Variants in CNGB3 observed in about 807,000 individuals in gnomAD.
CNGB3 encodes the protein cyclic nucleotide gated channel subunit beta 3, also known as cyclic nucleotide-gated channel beta-3.
Under a neutral mutation model 92.8 loss-of-function variants are expected in CNGB3, and 86 were observed. The observed-to-expected ratio is 0.93, with a 90% CI of 0.78 to 1.11. CNGB3 has a LOEUF of 1.11. CNGB3 is among the 50% of genes least tolerant of loss of function. CNGB3 has a pLI of 0.00. For missense variants in CNGB3, 1,026 were observed against 956.8 expected (o/e 1.07, Z -0.95); for synonymous variants, 333 against 332.7 (o/e 1.00, Z -0.01).
chr8:86,690,903 G>A (rs1180603374), intron 3 of CNGB3, among the ~76,000 whole-genome samples: 1 of 152,166 alleles, frequency 6.6e-6, no homozygotes, highest in Non-Finnish European at 1.5e-5. Flanking sequence ...GCTGTGTTCT[G>A]TTCCATTGAT....
chr8:86,657,648 G>T (rs1823538156), intron 6 of CNGB3: 3 of 418,376 alleles, frequency 7.2e-6, no homozygotes, highest in Non-Finnish European at 1.4e-5. Context: ...ACCTGGAGCG[G>T]GCTAATCAAC....
intron 10 of CNGB3, among the ~76,000 whole-genome samples, chr8:86,640,832 G>A (rs1186553121): frequency 3.3e-5 from 5 of 151,990 alleles, no homozygotes; most frequent in Admixed American, 6.6e-5. Context: ...TAGCATGTGA[G>A]TTTAGTTCAC....
At chr8:86,577,954 G>C (rs1211073768) in intron 17 of CNGB3, among the ~76,000 whole-genome samples, 1 of 152,168 alleles carries the variant, frequency 6.6e-6, no homozygotes, top group Non-Finnish European at 1.5e-5. Context: ...CTGTCGCCCA[G>C]GCTGGAGTGC....
intron 6 of CNGB3, chr8:86,661,297 G>T (rs1014030860): frequency 2.7e-6 from 1 of 376,064 alleles, no homozygotes; most frequent in Non-Finnish European, 5.4e-6. Flanking sequence ...TGCCAGTCAT[G>T]TACTGTCATT....
In CNGB3 at chr8:86,576,181, T is replaced by C. The variant is rs1263142429; in HGVS notation, c.2104-51A>G. ...GGTGTTGAAATCGTAATTAAAAACA[T>C]TGGATTAGATTTTGATTAGCATGCA... is the stretch of plus-strand genomic sequence containing the variant. On this transcript the variant is annotated intron_variant, in intron 17 of 17. Coordinates refer to ENST00000320005, the MANE Select transcript of CNGB3 (RefSeq NM_019098.5). 5 of 1,584,718 alleles carry C rather than the reference T, an allele frequency of 3.2e-6. No homozygotes were observed. In the African/African-American group the frequency reaches 4.0e-5, roughly 13 times the overall value.
chr8:86,590,407 A>G (rs200835808), intron 15 of CNGB3, among the ~76,000 whole-genome samples: 2 of 151,974 alleles, frequency 1.3e-5, no homozygotes, highest in Non-Finnish European at 2.9e-5. Flanking sequence ...TATTTTGCTC[A>G]TTAGTTGATG....
rs1225608783 is a variant in CNGB3 at position 86,632,830 on chromosome 8, T to C, written c.1242A>G (p.Pro414=). Residue 414 remains proline, a synonymous_variant, in exon 11 of 18, where the codon CCA becomes CCG. Coordinates refer to ENST00000320005, the MANE Select transcript of CNGB3 (RefSeq NM_019098.5). ...GAAAAACAATTTCAAATAAAGTTTG[T>C]GGTTCTGGAAGGCCACCAATGGTAA... ...TLITIGGLPE[P]QTLFEIVFQL... 6.2e-7 allele frequency: 1 copy of C among 1,612,972 alleles called. No individual in the cohort carries two copies.
intron 3 of CNGB3, among the ~76,000 whole-genome samples, chr8:86,671,611 C>G (rs1053950236): frequency 6.6e-6 from 1 of 152,318 alleles, no homozygotes; most frequent in Non-Finnish European, 1.5e-5. Flanking sequence ...AGCAAGAAGG[C>G]AGAGATTTGA....
At chr8:86,715,817 G>A (rs1824842044) in intron 3 of CNGB3, among the ~76,000 whole-genome samples, 1 of 120,732 alleles carries the variant, frequency 8.3e-6, no homozygotes, top group Non-Finnish European at 1.6e-5. Context: ...ACACACTGGG[G>A]CCTGTCGTGG....
intron 7 of CNGB3, among the ~76,000 whole-genome samples, chr8:86,653,309 TA>T (rs1823440883): frequency 1.3e-5 from 2 of 151,788 alleles, no homozygotes; most frequent in Non-Finnish European, 2.9e-5. Context: ...CAATATTTAA[TA>T]AAGAAAATTA....
intron 6 of CNGB3, chr8:86,661,894 T>C (rs775322287): frequency 2.2e-5 from 19 of 867,602 alleles, no homozygotes; most frequent in Non-Finnish European, 2.9e-5. Flanking sequence ...ACAAACCATA[T>C]TGGTGAAAAA....
intron 6 of CNGB3, chr8:86,657,964 G>T: frequency 1.8e-6 from 1 of 554,738 alleles, no homozygotes. Context: ...GATGACGTCT[G>T]TCTCTCCAGA....
Position 86,740,265 on chromosome 8 carries a change from C to A in CNGB3, c.130-529G>T, listed in dbSNP as rs80256765. On this transcript the variant is annotated intron_variant, in intron 1 of 17. Coordinates refer to ENST00000320005, the MANE Select transcript of CNGB3 (RefSeq NM_019098.5). Reference sequence around the variant, plus strand: ...TGAGGTTAGAACATAAAGATTGACTCCCAAGCTATGCACAGTCTAGAAGGG... The same window carrying A: ...TGAGGTTAGAACATAAAGATTGACTACCAAGCTATGCACAGTCTAGAAGGG... Among the ~76,000 whole-genome samples, 1,165 of 152,192 alleles carry A rather than the reference C, an allele frequency of 7.7e-3. 16 individuals are homozygous for A. Among genetic ancestry groups the A allele is most frequent in the African/African-American group, 0.027 (1,127 of 41,498 alleles).
chr8:86,670,922 A>C, intron 4 of CNGB3, 22 bp downstream of exon 4: 1 of 1,611,896 alleles, frequency 6.2e-7, no homozygotes, highest in Non-Finnish European at 8.5e-7. Flanking sequence ...TCTTCCCAGT[A>C]CTTGGAGGGA....
At chr8:86,686,835 G>A (rs1824197401) in intron 3 of CNGB3, among the ~76,000 whole-genome samples, 1 of 151,984 alleles carries the variant, frequency 6.6e-6, no homozygotes. Flanking sequence ...TTATACTCAT[G>A]AACACTAGAT....
intron 13 of CNGB3, among the ~76,000 whole-genome samples, chr8:86,612,237 A>T (rs987239480): frequency 7.2e-5 from 11 of 152,122 alleles, no homozygotes; most frequent in African/African-American, 2.7e-4. Context: ...TGAGTGAATG[A>T]TTGTTCATAT....
chr8:86,671,248 A>G (rs1823856829), intron 3 of CNGB3, 150 bp from the exon 4 acceptor site: 2 of 833,762 alleles, frequency 2.4e-6, no homozygotes, highest in African/African-American at 1.7e-5. Flanking sequence ...ATTAGGTTTA[A>G]TGGAAATAGT....
At position 86,578,715 on chromosome 8, in the gene CNGB3, T is replaced by C. The variant is rs1821703921; in HGVS notation, c.2077A>G (p.Lys693Glu). 1.2e-6 allele frequency: 2 copies of C among 1,614,034 alleles called. No individual in the cohort carries two copies. The change falls in exon 17 of 18, where the codon AAA (lysine) becomes GAA (glutamate). Residue 693 changes from lysine (K) to glutamate (E), a missense_variant. Coordinates refer to ENST00000320005, the MANE Select transcript of CNGB3 (RefSeq NM_019098.5). Reference sequence around the variant, plus strand: ...TGAGCTGCTTGCTCTCGCTTCAATTTGAGTAGTCTTGCAAGACTTGCTTTT... The same window carrying C: ...TGAGCTGCTTGCTCTCGCTTCAATTCGAGTAGTCTTGCAAGACTTGCTTTT... Reference protein sequence around the residue: ...TGKASLARLLKLKREQAAQKK... With the variant: ...TGKASLARLLELKREQAAQKK...
rs114293612 is a variant in CNGB3 at position 86,601,072 on chromosome 8, G to C, written c.1781+3021C>G. Among the ~76,000 whole-genome samples the C allele has an allele frequency of 6.8e-3, 1,035 of 152,140 alleles. 16 individuals carry two copies. The highest frequency in any genetic ancestry group is 0.023 in the African/African-American group (974 of 41,504). On this transcript the variant is annotated intron_variant, in intron 15 of 17. Coordinates refer to ENST00000320005, the MANE Select transcript of CNGB3 (RefSeq NM_019098.5). Reference sequence around the variant, plus strand: ...AATAAAGAGTAACTAGTTGTTTTAGGGGTTAAAGATGGCTTCAAAAAGGTG... The same window carrying C: ...AATAAAGAGTAACTAGTTGTTTTAGCGGTTAAAGATGGCTTCAAAAAGGTG...
Sources: allele counts gnomAD v4.1 joint callset (sites outside exome capture counted in the v4.1 genomes callset), GRCh38; gene constraint gnomAD v4.1.1; transcripts MANE v1.5; gene names NCBI Gene and HGNC (gene_info 2026-07-23, HGNC 2026-07-21).